The following EEF1A2 variants were observed in gnomAD, a reference collection of about 807,000 sequenced individuals.
EEF1A2 encodes eukaryotic translation elongation factor 1 alpha 2, also known as elongation factor 1-alpha 2.
EEF1A2 carries 5 observed loss-of-function variants against 39.3 expected under a neutral mutation model. The observed-to-expected ratio is 0.13, with a 90% CI of 0.07 to 0.27. The LOEUF (loss-of-function observed/expected upper bound fraction) is 0.27, where lower values mean the gene tolerates loss of function less well. EEF1A2 is among the 10% of genes least tolerant of loss of function. EEF1A2 has a pLI of 1.00. For synonymous variants in EEF1A2, 287 were observed against 293.7 expected (o/e 0.98, Z 0.23); for missense variants, 218 against 681.4 (o/e 0.32, Z 7.57).
chr20:63,492,551 TAG>T (rs1291059868), intron 5 of EEF1A2, among the ~76,000 whole-genome samples: 1 of 16,066 alleles, frequency 6.2e-5, no homozygotes, highest in African/African-American at 2.8e-4. Context: ...GATGGATGGA[TAG>T]AGAGAAGGAT....
At chr20:63,492,832 G>GGGAC (rs2082396857) in intron 5 of EEF1A2, among the ~76,000 whole-genome samples, 4 of 138,428 alleles carry the variant, frequency 2.9e-5, no homozygotes, top group African/African-American at 1.1e-4. Flanking sequence ...ATGGGACAAT[G>GGGAC]GATGGATGGA....
rs146240185 is a variant in EEF1A2, at chr20:63,495,027, C to T, written c.399G>A (p.Thr133=). 2.5e-5 allele frequency: 41 copies of T among 1,612,632 alleles called. No individual in the cohort carries two copies. The highest frequency in any genetic ancestry group is 1.4e-4 in the South Asian group (13 of 91,086). ...FEAGISKNGQ[T]REHALLAYTL... The stretch of plus-strand genomic sequence containing the variant: ...TGTAGGCCAGCAGGGCATGCTCCCG[C>T]GTCTGCCCATTCTTGGAGATGCCCG... The change falls in exon 4 of 8, where the codon ACG becomes ACA. Residue 133 remains threonine, a synonymous_variant. Transcript: ENST00000217182.
intron 7 of EEF1A2, 29 bp downstream of exon 7, chr20:63,488,889 C>T (rs781709619): frequency 6.2e-7 from 1 of 1,602,916 alleles, no homozygotes; most frequent in Admixed American, 1.7e-5. Context: ...AGCCTGGGGG[C>T]TGCACCTCCC....
intron 4 of EEF1A2, among the ~76,000 whole-genome samples, chr20:63,494,328 C>G (rs1269166910): frequency 1.3e-5 from 2 of 152,236 alleles, no homozygotes; most frequent in African/African-American, 2.4e-5. Context: ...CAACCCTTGG[C>G]CATCCCAGCA....
rs982841202 is a variant in EEF1A2, at chr20:63,495,845, G to T, written c.324+11C>A. 2.5e-6 allele frequency: 4 copies of T among 1,612,262 alleles called. No homozygotes were observed. The highest frequency in any genetic ancestry group is 3.3e-4 in the Middle Eastern group (2 of 6,078). On this transcript the variant is annotated intron_variant, in intron 3 of 7. Coordinates refer to ENST00000217182, the MANE Select transcript of EEF1A2 (RefSeq NM_001958.5). ...CCTCTCCCCCAGCCCCGCCTGCTGT[G>T]CCCTGCTCACCTGGGATGTACCCGT...
intron 6 of EEF1A2, among the ~76,000 whole-genome samples, chr20:63,489,782 CAAAA>C (rs58650476): frequency 1.3e-5 from 2 of 150,306 alleles, no homozygotes; most frequent in Non-Finnish European, 3.0e-5. Flanking sequence ...GACTCCGTCT[CAAAA>C]AAAAAATAAA....
Position 63,488,408 on chromosome 20 carries a change from C to T in EEF1A2, c.1282G>A (p.Asp428Asn). The change falls in exon 8 of 8, where the codon GAC (aspartate) becomes AAC (asparagine). Residue 428 changes from aspartate to asparagine, a missense_variant. By Grantham distance (23) the Asp-to-Asn change is conservative (BLOSUM62 1). This residue lies in a region of EEF1A2 where 31 missense variants were observed against 57.0 expected (regional missense o/e 0.54). Transcript: ENST00000217182. ...YPPLGRFAVRDMRQTVAVGVI... is the reference protein window; with the variant it reads ...YPPLGRFAVRNMRQTVAVGVI... ...CCTACGGCCACCGTCTGCCTCATGT[C>T]GCGCACGGCGAAGCGGCCTGGGGGG... 6.8e-7 allele frequency: 1 copy of T among 1,466,716 alleles called. No homozygotes were observed. The highest frequency in any genetic ancestry group is 1.3e-5 in the South Asian group (1 of 75,932). The allele number at this position is 1,466,716 out of a possible 1,614,324, so 90.9% of individuals were successfully genotyped here.
At chr20:63,492,275 C>G (rs1415252318) in intron 5 of EEF1A2, among the ~76,000 whole-genome samples, 1 of 107,654 alleles carries the variant, frequency 9.3e-6, no homozygotes, top group Non-Finnish European at 1.9e-5. Flanking sequence ...GATGGATGTA[C>G]AGAAGGATGG....
chr20:63,492,779 TAGATGGAG>T (rs1424163751), intron 5 of EEF1A2, among the ~76,000 whole-genome samples: 30 of 135,006 alleles, frequency 2.2e-4, no homozygotes, highest in Non-Finnish European at 3.9e-4. Flanking sequence ...GGGAGGTGGA[TAGATGGAG>T]AGATGGAGGG....
chr20:63,497,811 A>C lies in EEF1A2; in HGVS notation c.-48T>G. 1 of 1,589,670 alleles carries C rather than the reference A, an allele frequency of 6.3e-7. No individual in the cohort carries two copies. The highest frequency in any genetic ancestry group is 8.6e-7 in the Non-Finnish European group (1 of 1,167,612). ...GGCGGGACCCGGGGTGCTCTGGCTCAGGGCGAGGGGGGCTGCAGTGATTCT... is the reference window on the plus strand; with the variant it reads ...GGCGGGACCCGGGGTGCTCTGGCTCCGGGCGAGGGGGGCTGCAGTGATTCT... On this transcript the variant is annotated 5_prime_UTR_variant, in exon 2 of 8. Transcript: ENST00000217182. The surrounding 1 kb of genome is among the most constrained non-coding windows in gnomAD (Gnocchi z 7.3).
Position 63,490,601 on chromosome 20 carries a change from G to A in EEF1A2, c.907C>T (p.Leu303=). The change falls in exon 6 of 8, where the codon CTG becomes TTG. Residue 303 remains leucine (L), a synonymous_variant. Coordinates refer to ENST00000217182, the MANE Select transcript of EEF1A2 (RefSeq NM_001958.5). ...EMHHEALSEA[L]PGDNVGFNVK... is the part of the protein sequence containing the mutation. Reference sequence around the variant, plus strand: ...TTGAAGCCGACGTTGTCGCCGGGCAGAGCTTCGCTCAGAGCCTCGTGGTGC... The same window carrying A: ...TTGAAGCCGACGTTGTCGCCGGGCAAAGCTTCGCTCAGAGCCTCGTGGTGC... 1.2e-6 allele frequency: 2 copies of A among 1,612,800 alleles called. No homozygotes were observed. The highest frequency in any genetic ancestry group is 2.2e-5 in the South Asian group (2 of 91,086).
At position 63,496,126 on chromosome 20, in the gene EEF1A2, G is replaced by A. The variant is rs527964105; in HGVS notation, c.145-91C>T. 2.6e-5 allele frequency: 38 copies of A among 1,457,066 alleles called. No individual in the cohort carries two copies. The East Asian group carries it at 3.7e-4, about 14-fold the overall frequency. The allele number at this position is 1,457,066 out of a possible 1,614,324, so 90.3% of individuals were successfully genotyped here. On this transcript the variant is annotated intron_variant, in intron 2 of 7. Transcript: ENST00000217182. ...CTGCTTGTTACAGCAGAGTGGCCGC[G>A]AGAGGCGGGAGATGGGCTCCAGCAC...
In EEF1A2 at chr20:63,494,789, C is replaced by T. The variant is rs1321825562; in HGVS notation, c.621+16G>A. The T allele has an allele frequency of 1.9e-6, 3 of 1,603,706 alleles. No homozygotes were observed. Among genetic ancestry groups the T allele is most frequent in the African/African-American group, 1.3e-5 (1 of 74,806 alleles). On this transcript the variant is annotated intron_variant, in intron 4 of 7. Transcript: ENST00000217182. ...AGCCAGCTCCCGTGGCCCGCCCCGC[C>T]CTAGCCGCCACTCACGTTGGGGGAG...
Position 63,488,199 on chromosome 20 carries a change from C to T in EEF1A2, c.*99G>A, listed in dbSNP as rs1185106985. ...ACATGCGCCTGGCGGGGGTGCGGGG[C>T]GCCGGACCGGCGCGCGGGGCGGGGG... On this transcript the variant is annotated 3_prime_UTR_variant, in exon 8 of 8. Coordinates refer to ENST00000217182, the MANE Select transcript of EEF1A2 (RefSeq NM_001958.5). 5.3e-6 allele frequency: 4 copies of T among 749,200 alleles called. No homozygotes were observed. The highest frequency in any genetic ancestry group is 4.6e-6 in the Non-Finnish European group (3 of 648,832). 46.4% of individuals were successfully genotyped at this position (749,200 alleles called of 1,614,324 possible). A position where few individuals can be genotyped will look rare whatever the true frequency, so the allele number is the denominator to read the frequency against.
rs747850616 is a variant in EEF1A2 at position 63,495,093 on chromosome 20, G to A, written c.333C>T (p.Cys111=). ...CGCCCGCCGCCACGATCAGCACTGCGCAGTCCGCCTGCCCGGCAGGGGACA... is the reference window on the plus strand; with the variant it reads ...CGCCCGCCGCCACGATCAGCACTGCACAGTCCGCCTGCCCGGCAGGGGACA... The part of the protein sequence containing the change: ...NMITGTSQAD[C]AVLIVAAGVG... The change falls in exon 4 of 8, where the codon TGC becomes TGT. Residue 111 remains cysteine, a synonymous_variant. Coordinates refer to ENST00000217182, the MANE Select transcript of EEF1A2 (RefSeq NM_001958.5). 29 of 1,608,664 alleles carry A rather than the reference G, an allele frequency of 1.8e-5. No individual in the cohort carries two copies. The highest frequency in any genetic ancestry group is 9.9e-5 in the South Asian group (9 of 91,022).
At chr20:63,492,127 TGG>T (rs1388459362) in intron 5 of EEF1A2, among the ~76,000 whole-genome samples, 13 of 26,080 alleles carry the variant, frequency 5.0e-4, no homozygotes, top group East Asian at 9.8e-4. Flanking sequence ...GATGGATGGA[TGG>T]GGAAGTGGAT....
chr20:63,494,728 C>A, intron 4 of EEF1A2, 77 bp downstream of exon 4: 1 of 1,515,888 alleles, frequency 6.6e-7, no homozygotes. Context: ...CCTCCCCGTG[C>A]CACCTGCCGG....
rs1013564698 is a variant in EEF1A2, at chr20:63,497,335, A to G, written c.144+285T>C. On this transcript the variant is annotated intron_variant, in intron 2 of 7. Transcript: ENST00000217182. The surrounding 1 kb of genome is among the most constrained non-coding windows in gnomAD (Gnocchi z 7.3). ...CAGCGCCCTCCAGCCCCAGCTCAAC[A>G]TGGCAGAGTTCCAGAGCCTTCTGCA... The G allele has an allele frequency of 5.9e-6, 2 of 341,466 alleles. No individual in the cohort carries two copies. Among genetic ancestry groups the G allele is most frequent in the Non-Finnish European group, 1.1e-5 (2 of 187,770 alleles). 21.2% of individuals were successfully genotyped at this position (341,466 alleles called of 1,614,324 possible).
At position 63,498,419 on chromosome 20, in the gene EEF1A2, C is replaced by T. The variant is rs2082428308; in HGVS notation, c.-71-585G>A. 1 of 152,240 alleles carries T rather than the reference C, an allele frequency of 6.6e-6. No individual in the cohort carries two copies. Among genetic ancestry groups the T allele is most frequent in the East Asian group, 1.9e-4 (1 of 5,184 alleles). 9.4% of individuals were successfully genotyped at this position (152,240 alleles called of 1,614,324 possible). On this transcript the variant is annotated intron_variant, in intron 1 of 7. Transcript: ENST00000217182. This position sits in a 1 kb window ranked among gnomAD's most constrained non-coding sequence, Gnocchi z 4.1. The stretch of plus-strand genomic sequence containing the variant: ...AGGAACCCAGAATAGCTCTAGGCAC[C>T]CCCCTCCCGGACTCTCACAGGGACA...
Sources: allele counts gnomAD v4.1 joint callset (sites outside exome capture counted in the v4.1 genomes callset), GRCh38; gene constraint gnomAD v4.1.1; regional missense constraint gnomAD v4.1.1; non-coding constraint Gnocchi (gnomAD v3.1); transcripts MANE v1.5; gene names NCBI Gene and HGNC (gene_info 2026-07-23, HGNC 2026-07-21).